Variants in SLC44A5 observed in about 807,000 individuals in gnomAD.
The protein encoded by SLC44A5 is choline transporter-like protein 5.
SLC44A5 carries 57 observed loss-of-function variants against 101.8 expected under a neutral mutation model. That is an observed-to-expected ratio of 0.56 (90% CI 0.45 to 0.70). The LOEUF (loss-of-function observed/expected upper bound fraction) is 0.70, where lower values mean the gene tolerates loss of function less well. Ranked by LOEUF, SLC44A5 falls within the 30% of genes least tolerant of loss-of-function variation. SLC44A5 has a pLI of 0.00. For synonymous variants in SLC44A5, 281 were observed against 290.9 expected, an observed-to-expected ratio of 0.97 and a Z score of 0.35; for missense variants, 737 against 853.1, an observed-to-expected ratio of 0.86 and a Z score of 1.70.
chr1:75,250,512 A>G (rs1406714999), intron 7 of SLC44A5, among the ~76,000 whole-genome samples: 2 of 152,214 alleles, frequency 1.3e-5, no homozygotes, highest in African/African-American at 2.4e-5. Flanking sequence ...CCTTGGGTAT[A>G]TACCCAATAA....
At chr1:75,401,857 C>A (rs1662499030) in intron 2 of SLC44A5, among the ~76,000 whole-genome samples, 1 of 152,090 alleles carries the variant, frequency 6.6e-6, no homozygotes. Flanking sequence ...TGGTTGGGCA[C>A]TGGAAACAAA....
intron 2 of SLC44A5, among the ~76,000 whole-genome samples, chr1:75,401,258 C>T (rs973211983): frequency 1.3e-5 from 2 of 152,330 alleles, no homozygotes; most frequent in Non-Finnish European, 2.9e-5. Flanking sequence ...CAAACATTTA[C>T]TGAACTCTAA....
chr1:75,265,738 C>T (rs1650930123), intron 6 of SLC44A5, among the ~76,000 whole-genome samples: 1 of 152,126 alleles, frequency 6.6e-6, no homozygotes, highest in Non-Finnish European at 1.5e-5. Flanking sequence ...AATAGAAGAG[C>T]ATTGTCCTCT....
intron 2 of SLC44A5, among the ~76,000 whole-genome samples, chr1:75,403,692 G>T (rs1411974810): frequency 1.3e-5 from 2 of 152,030 alleles, no homozygotes; most frequent in East Asian, 3.9e-4. Flanking sequence ...CCCATCTGAA[G>T]GTCGCCAACA....
chr1:75,578,882 C>T (rs1673524208), intron 1 of SLC44A5, among the ~76,000 whole-genome samples: 1 of 152,084 alleles, frequency 6.6e-6, no homozygotes, highest in African/African-American at 2.4e-5. Flanking sequence ...ATGCTGTACA[C>T]TGAAAATACA....
At chr1:75,536,045 GA>G (rs201274280) in intron 2 of SLC44A5, among the ~76,000 whole-genome samples, 7,530 of 105,462 alleles carry the variant, frequency 0.071, 554 homozygotes, top group African/African-American at 0.21. Context: ...TTCGTCTCTT[GA>G]AAAAAAAAAA....
the SLC44A5 span, among the ~76,000 whole-genome samples, chr1:75,685,246 G>T: frequency 3.3e-5 from 5 of 152,126 alleles, no homozygotes; most frequent in African/African-American, 1.2e-4. Context: ...CCTGACTTGG[G>T]ATAAGAGGGG....
chr1:75,365,622 G>A (rs1204088491), intron 3 of SLC44A5, among the ~76,000 whole-genome samples: 1 of 151,976 alleles, frequency 6.6e-6, no homozygotes, highest in Non-Finnish European at 1.5e-5. Context: ...CAATAACAAA[G>A]ACATGGAATC....
At chr1:75,388,426 C>G (rs1030112236) in intron 3 of SLC44A5, among the ~76,000 whole-genome samples, 1 of 149,896 alleles carries the variant, frequency 6.7e-6, no homozygotes, top group Non-Finnish European at 1.5e-5. Context: ...AAGTATCCAG[C>G]TAACAACTAC....
chr1:75,490,115 A>G (rs567177440), intron 2 of SLC44A5, among the ~76,000 whole-genome samples: 1 of 152,126 alleles, frequency 6.6e-6, no homozygotes, highest in Non-Finnish European at 1.5e-5. Context: ...ATATTTGTCT[A>G]TTATTTTAAT....
chr1:75,658,788 T>G, the SLC44A5 span, among the ~76,000 whole-genome samples: 1 of 151,694 alleles, frequency 6.6e-6, no homozygotes, highest in Non-Finnish European at 1.5e-5. Flanking sequence ...AGAGCAGAAA[T>G]AAATGAAATT....
At chr1:75,440,519 C>T (rs1369827739) in intron 2 of SLC44A5, among the ~76,000 whole-genome samples, 2 of 151,978 alleles carry the variant, frequency 1.3e-5, no homozygotes, top group African/African-American at 4.8e-5. Context: ...CCACTGAGAC[C>T]TTCCAGGTGA....
At chr1:75,319,981 G>T (rs533874519) in intron 4 of SLC44A5, among the ~76,000 whole-genome samples, 1 of 152,068 alleles carries the variant, frequency 6.6e-6, no homozygotes, top group Non-Finnish European at 1.5e-5. Flanking sequence ...TACTTCCCCA[G>T]TCTCCTACTC....
chr1:75,274,691 G>C (rs1651773528), intron 6 of SLC44A5, among the ~76,000 whole-genome samples: 1 of 151,978 alleles, frequency 6.6e-6, no homozygotes, highest in African/African-American at 2.4e-5. Context: ...TAAAATCATT[G>C]GTCCAATCTA....
chr1:75,210,789 G>T (rs1646837897), intron 23 of SLC44A5, among the ~76,000 whole-genome samples: 1 of 152,084 alleles, frequency 6.6e-6, no homozygotes, highest in Admixed American at 6.6e-5. Flanking sequence ...ACTCTTCTGT[G>T]CTTTGCAAAC....
intron 2 of SLC44A5, among the ~76,000 whole-genome samples, chr1:75,423,756 GA>G (rs1429669309): frequency 6.6e-6 from 1 of 152,222 alleles, no homozygotes; most frequent in Non-Finnish European, 1.5e-5. Context: ...GACACCATTA[GA>G]TGGCCTGGGA....
Position 75,529,497 on chromosome 1 carries a change from G to A in SLC44A5, c.13+11938C>T, listed in dbSNP as rs74814846. On this transcript the variant is annotated intron_variant, in intron 2 of 23. Coordinates refer to ENST00000370859, the MANE Select transcript of SLC44A5 (RefSeq NM_001130058.2). ...AGGTTCTACTCTACAGAAGAATCAG[G>A]GTGGCCCAGTAAATGCCATCTCCCA... Among the ~76,000 whole-genome samples, 850 of 152,218 alleles carry A rather than the reference G, an allele frequency of 5.6e-3. 8 individuals are homozygous for A. Among genetic ancestry groups the A allele is most frequent in the African/African-American group, 0.02 (812 of 41,534 alleles).
chr1:75,205,484 T>G (rs1479178449), intron 23 of SLC44A5: 1 of 152,168 alleles, frequency 6.6e-6, no homozygotes, highest in Non-Finnish European at 1.5e-5. Flanking sequence ...GATTCATGCT[T>G]TGTTCTGCCA....
At chr1:75,441,385 G>A (rs888516582) in intron 2 of SLC44A5, among the ~76,000 whole-genome samples, 6 of 151,902 alleles carry the variant, frequency 3.9e-5, no homozygotes, top group Non-Finnish European at 8.8e-5. Context: ...TTTGCAGGGA[G>A]AGTACTGTAT....
Sources: allele counts gnomAD v4.1 joint callset (sites outside exome capture counted in the v4.1 genomes callset), GRCh38; gene constraint gnomAD v4.1.1; transcripts MANE v1.5; gene names NCBI Gene and HGNC (gene_info 2026-07-23, HGNC 2026-07-21).